Variants in ARIH1 observed in about 807,000 individuals in gnomAD.
The protein encoded by ARIH1 is E3 ubiquitin-protein ligase ARIH1.
ARIH1 carries 8 observed loss-of-function variants against 85.0 expected under a neutral mutation model. That is an observed-to-expected ratio of 0.09 (90% CI 0.06 to 0.17). ARIH1 has a LOEUF of 0.17. Among genes scored for constraint, ARIH1 ranks in the 10% least tolerant of loss-of-function variants. The probability of loss-of-function intolerance (pLI) is 1.00; values close to 1 mark genes in which losing one functional copy is unlikely to be tolerated. For missense variants in ARIH1, 311 were observed against 718.1 expected (o/e 0.43, Z 6.48); for synonymous variants, 238 against 253.6 (o/e 0.94, Z 0.59).
chr15:72,509,232 C>T (rs1462325594), intron 1 of ARIH1, among the ~76,000 whole-genome samples: 1 of 151,758 alleles, frequency 6.6e-6, no homozygotes, highest in African/African-American at 2.4e-5. Flanking sequence ...CTTAAGTGAT[C>T]ACCTGCCTCG....
chr15:72,521,066 A>G (rs1195626426), intron 2 of ARIH1, among the ~76,000 whole-genome samples: 2 of 151,984 alleles, frequency 1.3e-5, no homozygotes, highest in East Asian at 1.9e-4. Flanking sequence ...GCTGGTCTCA[A>G]ACTCCTGGAC....
rs150165121 is a variant in ARIH1 at position 72,519,475 on chromosome 15, G to GTT, written c.443+1365_443+1366dup. Among the ~76,000 whole-genome samples, 321 of 62,562 alleles carry GTT rather than the reference G, an allele frequency of 5.1e-3. 3 individuals carry two copies. Among genetic ancestry groups the GTT allele is most frequent in the African/African-American group, 0.018 (270 of 15,394 alleles). 41.0% of individuals were successfully genotyped at this position (62,562 alleles called of 152,430 possible). A position where few individuals can be genotyped will look rare whatever the true frequency, so the allele number is the denominator to read the frequency against. On this transcript the variant is annotated intron_variant, in intron 2 of 13. Coordinates refer to ENST00000379887, the MANE Select transcript of ARIH1 (RefSeq NM_005744.5). ...TATGCATTCTGACCATGTTTTTTTT[G>GTT]TTTTTTTTTTTTTTTTTTTTTTTTT...
At chr15:72,563,266 C>A in intron 6 of ARIH1, 128 bp from the exon 7 acceptor site, 1 of 677,502 alleles carries the variant, frequency 1.5e-6, no homozygotes, top group South Asian at 1.8e-5. Flanking sequence ...GCTATGTTGC[C>A]CGGGCTGGTC....
chr15:72,520,202 C>T (rs2063993431), intron 2 of ARIH1, among the ~76,000 whole-genome samples: 1 of 152,114 alleles, frequency 6.6e-6, no homozygotes, highest in African/African-American at 2.4e-5. Context: ...TTCAGTTTCT[C>T]CTTGTAGTTT....
chr15:72,572,334 T>G, intron 11 of ARIH1, 169 bp downstream of exon 11: 1 of 471,202 alleles, frequency 2.1e-6, no homozygotes, highest in East Asian at 3.8e-5. Flanking sequence ...ACCTCCTGGG[T>G]TCAAGTGATT....
rs143695696 is a variant in ARIH1, at chr15:72,581,834, A to G, written c.1477-241A>G. On this transcript the variant is annotated intron_variant, in intron 12 of 13. Coordinates refer to ENST00000379887, the MANE Select transcript of ARIH1 (RefSeq NM_005744.5). Reference sequence around the variant, plus strand: ...TTTTAAATCCTTTCAAATGGTCTTCAGTATTCTTCCAAAAGTAATGGGTGA... The same window carrying G: ...TTTTAAATCCTTTCAAATGGTCTTCGGTATTCTTCCAAAAGTAATGGGTGA... The G allele has an allele frequency of 3.4e-3, 1,179 of 347,058 alleles. 13 individuals carry two copies. The highest frequency in any genetic ancestry group is 0.023 in the African/African-American group (1,086 of 47,518). 21.5% of individuals were successfully genotyped at this position (347,058 alleles called of 1,614,324 possible).
chr15:72,564,304 G>GGATGGCCT (rs2064209851), intron 7 of ARIH1, among the ~76,000 whole-genome samples: 1 of 152,178 alleles, frequency 6.6e-6, no homozygotes, highest in South Asian at 2.1e-4. Context: ...TTTATAGCAA[G>GGATGGCCT]GATGGCCTTT....
At position 72,595,930 on chromosome 15, in the gene ARIH1, C is replaced by T. The variant is rs1385515194; in HGVS notation, c.*12638C>T. Reference sequence around the variant, plus strand: ...CCGCCTCCCAGGTTTAAGCGATTCTCCTGCCTCAGCCTCCCAAGTAAGTGG... The same window carrying T: ...CCGCCTCCCAGGTTTAAGCGATTCTTCTGCCTCAGCCTCCCAAGTAAGTGG... On this transcript the variant is annotated 3_prime_UTR_variant, in exon 14 of 14. Coordinates refer to ENST00000379887, the MANE Select transcript of ARIH1 (RefSeq NM_005744.5). 1 of 151,502 alleles carries T rather than the reference C, an allele frequency of 6.6e-6. No individual in the cohort carries two copies. 9.4% of individuals were successfully genotyped at this position (151,502 alleles called of 1,614,324 possible). A position where few individuals can be genotyped will look rare whatever the true frequency, so the allele number is the denominator to read the frequency against.
At chr15:72,503,025 C>T (rs76756118) in intron 1 of ARIH1, among the ~76,000 whole-genome samples, 3 of 152,288 alleles carry the variant, frequency 2.0e-5, no homozygotes, top group East Asian at 3.9e-4. Context: ...AATGCACATA[C>T]TTTTAAGCCA....
rs538331938 is a variant in ARIH1, at chr15:72,523,344, G to A, written c.443+5210G>A. ...CAGCTATCAAACCATGAAAAACCGTGGAGGGACTTTAAATGCATATTATTA... is the reference window on the plus strand; with the variant it reads ...CAGCTATCAAACCATGAAAAACCGTAGAGGGACTTTAAATGCATATTATTA... On this transcript the variant is annotated intron_variant, in intron 2 of 13. Coordinates refer to ENST00000379887, the MANE Select transcript of ARIH1 (RefSeq NM_005744.5). 8.5e-5 allele frequency among the ~76,000 whole-genome samples: 13 copies of A among 152,254 alleles called. No individual in the cohort carries two copies. The South Asian group carries it at 2.3e-3, about 27-fold the overall frequency.
chr15:72,520,080 T>C (rs1048444213), intron 2 of ARIH1, among the ~76,000 whole-genome samples: 1 of 152,202 alleles, frequency 6.6e-6, no homozygotes, highest in Non-Finnish European at 1.5e-5. Flanking sequence ...ATATGGGAAC[T>C]GTAGCTTCTG....
In ARIH1 at chr15:72,595,808, G is replaced by GTTTTTTTTTTTTTTTTTTTTTTTTGT; in HGVS notation, c.*12534_*12535insTTTTTTGTTTTTTTTTTTTTTTTTTT. On this transcript the variant is annotated 3_prime_UTR_variant, in exon 14 of 14. Coordinates refer to ENST00000379887, the MANE Select transcript of ARIH1 (RefSeq NM_005744.5). ...TATTGCAGTGTTTTTTGTTTTTTCT[G>GTTTTTTTTTTTTTTTTTTTTTTTTGT]TTTTTTTTTTTTTTTTTTCATCTTT... The GTTTTTTTTTTTTTTTTTTTTTTTTGT allele has an allele frequency of 8.1e-6, 1 of 122,836 alleles. No homozygotes were observed. The highest frequency in any genetic ancestry group is 1.7e-5 in the Non-Finnish European group (1 of 57,682). The allele number at this position is 122,836 out of a possible 1,614,324, so 7.6% of individuals were successfully genotyped here.
At chr15:72,580,476 T>C (rs547450287) in intron 11 of ARIH1, 5 of 440,756 alleles carry the variant, frequency 1.1e-5, no homozygotes, top group Non-Finnish European at 2.0e-5. Context: ...TCTGTGGTGG[T>C]TTTGTTTTCA....
intron 2 of ARIH1, among the ~76,000 whole-genome samples, chr15:72,539,419 A>G (rs2064096728): frequency 6.6e-6 from 1 of 152,208 alleles, no homozygotes; most frequent in African/African-American, 2.4e-5. Flanking sequence ...AACTGATAAA[A>G]CAACAGAAGG....
At position 72,589,878 on chromosome 15, in the gene ARIH1, G is replaced by C. The variant is rs1237970143; in HGVS notation, c.*6586G>C. 2.0e-5 allele frequency: 3 copies of C among 151,756 alleles called. No individual in the cohort carries two copies. In the East Asian group the frequency reaches 5.8e-4, roughly 29 times the overall value. 9.4% of individuals were successfully genotyped at this position (151,756 alleles called of 1,614,324 possible). A position where few individuals can be genotyped will look rare whatever the true frequency, so the allele number is the denominator to read the frequency against. Reference sequence around the variant, plus strand: ...TTGCTATGTTGCCCAGGCTGGACTTGAACTCCTAGTCTCAGCCAACCCCTT... The same window carrying C: ...TTGCTATGTTGCCCAGGCTGGACTTCAACTCCTAGTCTCAGCCAACCCCTT... On this transcript the variant is annotated 3_prime_UTR_variant, in exon 14 of 14. Transcript: ENST00000379887.
intron 1 of ARIH1, among the ~76,000 whole-genome samples, chr15:72,511,519 G>A (rs564260580): frequency 6.6e-6 from 1 of 152,042 alleles, no homozygotes; most frequent in East Asian, 1.9e-4. Context: ...TGGCCAGGCT[G>A]GTCTTGAACT....
chr15:72,541,293 T>C (rs1418184196), intron 2 of ARIH1, among the ~76,000 whole-genome samples: 1 of 152,164 alleles, frequency 6.6e-6, no homozygotes, highest in Non-Finnish European at 1.5e-5. Context: ...CTCCCGACAC[T>C]CAGCTTTTCT....
Position 72,474,914 on chromosome 15 carries a change from G to C in ARIH1, c.275G>C (p.Gly92Ala). Residue 92 changes from glycine to alanine, a missense_variant, in exon 1 of 14, where the codon GGG (glycine) becomes GCG (alanine). Transcript: ENST00000379887. ...GGCGGCGGTGGTGGTGGCGGGCCGGGGCATGAGCAGGAGGAGGATTACCGC... is the reference window on the plus strand; with the variant it reads ...GGCGGCGGTGGTGGTGGCGGGCCGGCGCATGAGCAGGAGGAGGATTACCGC... ...GGGGGGGGGP[G>A]HEQEEDYRYE... 1 of 1,483,804 alleles carries C rather than the reference G, an allele frequency of 6.7e-7. No homozygotes were observed. The highest frequency in any genetic ancestry group is 1.3e-5 in the South Asian group (1 of 76,982). The allele number at this position is 1,483,804 out of a possible 1,614,324, so 91.9% of individuals were successfully genotyped here. A position where few individuals can be genotyped will look rare whatever the true frequency, so the allele number is the denominator to read the frequency against.
At chr15:72,563,527 A>G (rs774749505) in intron 7 of ARIH1, 27 bp downstream of exon 7, 2 of 1,558,564 alleles carry the variant, frequency 1.3e-6, no homozygotes, top group Non-Finnish European at 1.8e-6. Flanking sequence ...CTAAATTGAA[A>G]TAGTGCACAA....
Sources: allele counts gnomAD v4.1 joint callset (sites outside exome capture counted in the v4.1 genomes callset), GRCh38; gene constraint gnomAD v4.1.1; transcripts MANE v1.5; gene names NCBI Gene and HGNC (gene_info 2026-07-23, HGNC 2026-07-21).